The following GPRIN3 variants were observed in gnomAD, a reference collection of about 807,000 sequenced individuals.
GPRIN3 encodes the protein G protein-regulated inducer of neurite outgrowth 3.
In GPRIN3, 12 loss-of-function variants were observed where a neutral mutation model predicts 13.7. The ratio of observed to expected loss-of-function variants is 0.87; its 90% CI spans 0.56 to 1.42. The LOEUF (loss-of-function observed/expected upper bound fraction) is 1.42, where lower values mean the gene tolerates loss of function less well. GPRIN3 is among the 40% of genes most tolerant of loss of function. The pLI is 0.00. For synonymous variants in GPRIN3, 377 were observed against 372.7 expected (o/e 1.01, Z -0.13); for missense variants, 1,009 against 958.7 (o/e 1.05, Z -0.69).
intron 1 of GPRIN3, among the ~76,000 whole-genome samples, chr4:89,289,591 T>C (rs1379187212): frequency 6.6e-6 from 1 of 152,136 alleles, no homozygotes. Flanking sequence ...ACCTCACAGA[T>C]ACAAAAACTG....
chr4:89,289,661 C>T (rs2110013212), intron 1 of GPRIN3, among the ~76,000 whole-genome samples: 2 of 152,154 alleles, frequency 1.3e-5, no homozygotes, highest in Admixed American at 1.3e-4. Flanking sequence ...GGACTTGATC[C>T]CAGGTCTTCT....
intron 1 of GPRIN3, among the ~76,000 whole-genome samples, chr4:89,302,951 C>T (rs1396224077): frequency 6.6e-6 from 1 of 151,888 alleles, no homozygotes; most frequent in Non-Finnish European, 1.5e-5. Context: ...TGGCCCTGGT[C>T]TTCTGTTTTA....
At chr4:89,306,320 G>A (rs951738517) in intron 1 of GPRIN3, among the ~76,000 whole-genome samples, 7 of 152,068 alleles carry the variant, frequency 4.6e-5, no homozygotes, top group African/African-American at 1.4e-4. Flanking sequence ...GCACATTCGG[G>A]CGAAGTACAC....
Position 89,248,432 on chromosome 4 carries a change from T to C in GPRIN3, c.1679A>G (p.Lys560Arg). 4 of 1,614,152 alleles carry C rather than the reference T, an allele frequency of 2.5e-6. No individual in the cohort carries two copies. The highest frequency in any genetic ancestry group is 1.1e-5 in the South Asian group (1 of 91,086). Residue 560 changes from lysine to arginine, a missense_variant, in exon 2 of 2, where the codon AAA becomes AGA. Physicochemically the swap from Lys to Arg is conservative, Grantham distance 26 (BLOSUM62 2). Coordinates refer to ENST00000609438, the MANE Select transcript of GPRIN3 (RefSeq NM_198281.3). Reference protein sequence around the residue: ...ESTGTDTSDAKTLLLNPKSQE... With the variant: ...ESTGTDTSDARTLLLNPKSQE... ...GGATTTAGGATTGAGCAGTAGGGTT[T>C]TGGCATCCGAGGTATCAGTGCCAGT...
chr4:89,263,893 A>G (rs1723711788), intron 1 of GPRIN3, among the ~76,000 whole-genome samples: 1 of 152,224 alleles, frequency 6.6e-6, no homozygotes, highest in East Asian at 1.9e-4. Flanking sequence ...CCAAGAGTAC[A>G]GAATGGGAAA....
At chr4:89,305,338 C>G (rs1725006057) in intron 1 of GPRIN3, among the ~76,000 whole-genome samples, 1 of 152,172 alleles carries the variant, frequency 6.6e-6, no homozygotes, top group South Asian at 2.1e-4. Context: ...CTCCACAGCA[C>G]CCTGTCAGGG....
In GPRIN3 at chr4:89,248,714, G is replaced by A. The variant is rs771211169; in HGVS notation, c.1397C>T (p.Thr466Ile). The stretch of plus-strand genomic sequence containing the variant: ...ACTGATAGAAATCTGGTCAATGGCG[G>A]TAGCTTTCAGGGAGCTAGAATTAGT... ...AGTNSSSLKA[T>I]AIDQISISAC... The change falls in exon 2 of 2, where the codon ACC becomes ATC. Residue 466 changes from threonine (T) to isoleucine (I), a missense_variant. Coordinates refer to ENST00000609438, the MANE Select transcript of GPRIN3 (RefSeq NM_198281.3). 5 of 1,614,134 alleles carry A rather than the reference G, an allele frequency of 3.1e-6. No homozygotes were observed. In the South Asian group the frequency reaches 4.4e-5, roughly 14 times the overall value.
intron 1 of GPRIN3, among the ~76,000 whole-genome samples, chr4:89,286,881 C>T (rs1173662104): frequency 6.6e-6 from 1 of 152,148 alleles, no homozygotes; most frequent in Admixed American, 6.5e-5. Flanking sequence ...TTCCCAGGTA[C>T]TTGGGAGGAT....
chr4:89,258,013 C>T (rs557761354), intron 1 of GPRIN3, among the ~76,000 whole-genome samples: 3 of 151,882 alleles, frequency 2.0e-5, no homozygotes, highest in Non-Finnish European at 2.9e-5. Context: ...AGAAGGTTTA[C>T]GCTCAGTGTT....
chr4:89,288,505 G>C (rs2110011863), intron 1 of GPRIN3, among the ~76,000 whole-genome samples: 1 of 152,244 alleles, frequency 6.6e-6, no homozygotes. Flanking sequence ...TCTACATGAG[G>C]GCAGCAGGCA....
At chr4:89,275,487 A>C (rs1038140272) in intron 1 of GPRIN3, among the ~76,000 whole-genome samples, 86 of 152,286 alleles carry the variant, frequency 5.6e-4, no homozygotes, top group African/African-American at 2.0e-3. Context: ...TCAGTAGAAA[A>C]AGAGAATCAA....
rs558029353 is a variant in GPRIN3, at chr4:89,275,681, C to A, written c.-123-25448G>T. ...TTTCACCCATTTCCTACCAGCCCTG[C>A]AAAGAGCTGCCCAAGAAATGGTTGT... On this transcript the variant is annotated intron_variant, in intron 1 of 1. Coordinates refer to ENST00000609438, the MANE Select transcript of GPRIN3 (RefSeq NM_198281.3). 2.0e-5 allele frequency among the ~76,000 whole-genome samples: 3 copies of A among 152,314 alleles called. No homozygotes were observed. In the East Asian group the frequency reaches 5.8e-4, roughly 29 times the overall value.
At chr4:89,286,234 A>G (rs764366142) in intron 1 of GPRIN3, among the ~76,000 whole-genome samples, 1 of 152,162 alleles carries the variant, frequency 6.6e-6, no homozygotes, top group Non-Finnish European at 1.5e-5. Flanking sequence ...TAGGAGGAGC[A>G]CCAACTTGCA....
chr4:89,295,990 T>C (rs1229885445), intron 1 of GPRIN3, among the ~76,000 whole-genome samples: 2 of 152,194 alleles, frequency 1.3e-5, no homozygotes, highest in Non-Finnish European at 2.9e-5. Flanking sequence ...TTTAAAAATA[T>C]ACTTTGAAAT....
At chr4:89,286,091 G>GTATATATATATATATATATA (rs35444036) in intron 1 of GPRIN3, among the ~76,000 whole-genome samples, 10 of 146,658 alleles carry the variant, frequency 6.8e-5, no homozygotes, top group African/African-American at 2.3e-4. Context: ...ATGTGTGTGT[G>GTATATATATATATATATATA]TATATATATA....
rs1440529648 is a variant in GPRIN3, at chr4:89,244,574, G to A, written c.*3206C>T. 6.6e-6 allele frequency: 1 copy of A among 152,116 alleles called. No homozygotes were observed. Among genetic ancestry groups the A allele is most frequent in the African/African-American group, 2.4e-5 (1 of 41,454 alleles). The allele number at this position is 152,116 out of a possible 1,614,324, so 9.4% of individuals were successfully genotyped here. On this transcript the variant is annotated 3_prime_UTR_variant, in exon 2 of 2. Transcript: ENST00000609438. ...TATTTTACTCTATGTAAAGTAGTTG[G>A]TCTGTGGCATTCAAAGTCAATAATC...
At chr4:89,303,157 CAAACATATTTAAATATCTAACT>C (rs1724943718) in intron 1 of GPRIN3, among the ~76,000 whole-genome samples, 1 of 152,058 alleles carries the variant, frequency 6.6e-6, no homozygotes, top group Admixed American at 6.5e-5. Flanking sequence ...GAAATGCATA[CAAACATATTTAAATATCTAACT>C]AAGAAGATGG....
At chr4:89,272,337 T>C (rs1014164267) in intron 1 of GPRIN3, among the ~76,000 whole-genome samples, 9 of 152,180 alleles carry the variant, frequency 5.9e-5, no homozygotes, top group Non-Finnish European at 1.2e-4. Flanking sequence ...TTGCTGGTGT[T>C]GGGCACTGAG....
chr4:89,295,652 A>T (rs944742815), intron 1 of GPRIN3, among the ~76,000 whole-genome samples: 16 of 151,586 alleles, frequency 1.1e-4, no homozygotes, highest in African/African-American at 1.5e-4. Flanking sequence ...AGCAAGATTT[A>T]AAAAAAAACA....
Sources: gnomAD v4.1 joint callset for allele counts (sites outside exome capture counted in the v4.1 genomes callset) on GRCh38, gnomAD v4.1.1 for gene constraint, MANE v1.5 for transcripts, NCBI Gene and HGNC (gene_info 2026-07-23, HGNC 2026-07-21) for gene names.